Variants in ROR1 observed in about 807,000 individuals in gnomAD.
ROR1 encodes the protein ROR family WNT receptor 1, also known as inactive tyrosine-protein kinase transmembrane receptor ROR1.
In ROR1, 19 loss-of-function variants were observed where a neutral mutation model predicts 78.8. That is an observed-to-expected ratio of 0.24 (90% CI 0.17 to 0.35). The LOEUF (loss-of-function observed/expected upper bound fraction) is 0.35, where lower values mean the gene tolerates loss of function less well. ROR1 is among the 10% of genes least tolerant of loss of function. The probability of loss-of-function intolerance (pLI) is 1.00; values close to 1 mark genes in which losing one functional copy is unlikely to be tolerated. For synonymous variants in ROR1, 386 were observed against 433.6 expected, an observed-to-expected ratio of 0.89 and a Z score of 1.36; for missense variants, 917 against 1,177.8, an observed-to-expected ratio of 0.78 and a Z score of 3.24.
At chr1:64,096,993 A>G (rs925556775) in intron 4 of ROR1, among the ~76,000 whole-genome samples, 3 of 152,112 alleles carry the variant, frequency 2.0e-5, no homozygotes, top group Admixed American at 6.5e-5. Context: ...AATGTAAACA[A>G]TGATGACAAT....
chr1:63,896,163 T>C (rs1377748825), intron 1 of ROR1, among the ~76,000 whole-genome samples: 2 of 152,214 alleles, frequency 1.3e-5, no homozygotes, highest in African/African-American at 4.8e-5. Flanking sequence ...TCATATCATA[T>C]TTATTCAATG....
intron 1 of ROR1, among the ~76,000 whole-genome samples, chr1:63,823,447 T>TC (rs1472076249): frequency 1.4e-5 from 2 of 144,142 alleles, no homozygotes; most frequent in Non-Finnish European, 3.0e-5. Context: ...AGACATTACT[T>TC]TTTTTTTTTT....
chr1:63,948,231 A>G (rs1361642202), intron 1 of ROR1, among the ~76,000 whole-genome samples: 1 of 152,172 alleles, frequency 6.6e-6, no homozygotes, highest in African/African-American at 2.4e-5. Context: ...ACACATTTCT[A>G]TTTTATGTAG....
intron 4 of ROR1, among the ~76,000 whole-genome samples, chr1:64,114,106 T>C (rs1648224224): frequency 6.6e-6 from 1 of 152,030 alleles, no homozygotes; most frequent in Non-Finnish European, 1.5e-5. Flanking sequence ...CCGGTGAACT[T>C]GGGGCCAAGA....
Position 63,843,255 on chromosome 1 carries a change from C to T in ROR1, c.91+68747C>T, listed in dbSNP as rs142409191. On this transcript the variant is annotated intron_variant, in intron 1 of 8. Transcript: ENST00000371079. Reference sequence around the variant, plus strand: ...CCCCAGCTTCTCTGCCAGGGTGCAGCGGTCCTTGACCTCCTTGTAGCAGTT... The same window carrying T: ...CCCCAGCTTCTCTGCCAGGGTGCAGTGGTCCTTGACCTCCTTGTAGCAGTT... 993 of 1,502,302 alleles carry T rather than the reference C, an allele frequency of 6.6e-4. 3 individuals are homozygous for T. Among genetic ancestry groups the T allele is most frequent in the African/African-American group, 6.3e-3 (457 of 72,576 alleles). The allele number at this position is 1,502,302 out of a possible 1,614,324, so 93.1% of individuals were successfully genotyped here. A position where few individuals can be genotyped will look rare whatever the true frequency, so the allele number is the denominator to read the frequency against.
intron 1 of ROR1, among the ~76,000 whole-genome samples, chr1:63,902,153 T>C (rs1482701962): frequency 2.6e-5 from 4 of 152,192 alleles, no homozygotes; most frequent in Non-Finnish European, 4.4e-5. Flanking sequence ...AGCTTATCCT[T>C]AGCTTTAAAA....
intron 4 of ROR1, among the ~76,000 whole-genome samples, chr1:64,074,903 A>G (rs1191696023): frequency 6.6e-6 from 1 of 152,228 alleles, no homozygotes; most frequent in Non-Finnish European, 1.5e-5. Context: ...GTTTGTGAGG[A>G]TAAAATGAGA....
At chr1:64,130,131 G>T (rs1199267026) in intron 4 of ROR1, among the ~76,000 whole-genome samples, 2 of 152,208 alleles carry the variant, frequency 1.3e-5, no homozygotes, top group Non-Finnish European at 2.9e-5. Context: ...GAACCAGCAT[G>T]TGATATTCGA....
At chr1:63,940,223 A>T (rs1645825233) in intron 1 of ROR1, among the ~76,000 whole-genome samples, 1 of 152,142 alleles carries the variant, frequency 6.6e-6, no homozygotes, top group African/African-American at 2.4e-5. Context: ...TCAAGTAAAA[A>T]GGCTAATTCC....
At chr1:63,884,715 G>C (rs1400730270) in intron 1 of ROR1, among the ~76,000 whole-genome samples, 1 of 152,148 alleles carries the variant, frequency 6.6e-6, no homozygotes, top group Non-Finnish European at 1.5e-5. Flanking sequence ...ATAGACCTGG[G>C]GAGGAGACAG....
chr1:63,860,562 TACACAC>T (rs68153450), intron 1 of ROR1, among the ~76,000 whole-genome samples: 173 of 126,598 alleles, frequency 1.4e-3, no homozygotes, highest in South Asian at 1.9e-3. Flanking sequence ...CTACTAAAAA[TACACAC>T]ACACACACAC....
intron 1 of ROR1, chr1:63,788,890 A>G (rs1218530619): frequency 2.3e-6 from 2 of 886,414 alleles, no homozygotes; most frequent in Non-Finnish European, 3.6e-6. Context: ...GATGTGTTCC[A>G]TGAGAATCGC....
intron 1 of ROR1, among the ~76,000 whole-genome samples, chr1:63,792,097 C>T (rs1218301494): frequency 6.6e-6 from 1 of 152,012 alleles, no homozygotes; most frequent in Non-Finnish European, 1.5e-5. Flanking sequence ...TGGGTGCTGT[C>T]GCATGGGGCA....
intron 1 of ROR1, among the ~76,000 whole-genome samples, chr1:63,905,631 A>G (rs577464439): frequency 6.6e-6 from 1 of 152,348 alleles, no homozygotes; most frequent in South Asian, 2.1e-4. Context: ...CTGTCACAAG[A>G]TATCTATAAT....
chr1:63,854,351 A>G (rs1645135345), intron 1 of ROR1, among the ~76,000 whole-genome samples: 1 of 152,264 alleles, frequency 6.6e-6, no homozygotes, highest in South Asian at 2.1e-4. Context: ...CCTCCTGTGT[A>G]TTAGTGAATT....
At position 64,140,375 on chromosome 1, in the gene ROR1, G is replaced by C. The variant is rs1302352496; in HGVS notation, c.877G>C (p.Ala293Pro). The C allele has an allele frequency of 6.2e-7, 1 of 1,613,288 alleles. No individual in the cohort carries two copies. The highest frequency in any genetic ancestry group is 1.7e-5 in the Admixed American group (1 of 59,932). The change falls in exon 6 of 9, where the codon GCT becomes CCT. Residue 293 changes from alanine to proline, a missense_variant. Physicochemically the swap from Ala to Pro is conservative, Grantham distance 27. Transcript: ENST00000371079. ...EDLPQPESPE[A>P]ANCIRIGIPM... ...TCTCCCCCAGCCAGAGAGCCCAGAA[G>C]CTGCGAACTGTATCCGGATTGGAAT...
intron 1 of ROR1, among the ~76,000 whole-genome samples, chr1:64,008,006 A>T (rs1340482871): frequency 6.8e-6 from 1 of 146,920 alleles, no homozygotes. Flanking sequence ...TTCAGAGGGT[A>T]CATGTACAGG....
At chr1:63,860,469 C>T (rs1238749882) in intron 1 of ROR1, among the ~76,000 whole-genome samples, 2 of 151,474 alleles carry the variant, frequency 1.3e-5, no homozygotes, top group Non-Finnish European at 2.9e-5. Flanking sequence ...ACCTGTAATC[C>T]CAGCACTTTG....
chr1:63,821,695 G>T (rs1008141954), intron 1 of ROR1, among the ~76,000 whole-genome samples: 2 of 152,160 alleles, frequency 1.3e-5, no homozygotes, highest in Admixed American at 6.5e-5. Context: ...AAGAAGCAGC[G>T]TTTGCAGTTA....
Sources: gnomAD v4.1 joint callset for allele counts (sites outside exome capture counted in the v4.1 genomes callset) on GRCh38, gnomAD v4.1.1 for gene constraint, MANE v1.5 for transcripts, NCBI Gene and HGNC (gene_info 2026-07-23, HGNC 2026-07-21) for gene names.